Variants in RALGPS1 observed in about 807,000 individuals in gnomAD.
RALGPS1 encodes ras-specific guanine nucleotide-releasing factor RalGPS1.
RALGPS1 carries 19 observed loss-of-function variants against 78.8 expected under a neutral mutation model. The observed-to-expected ratio is 0.24, with a 90% CI of 0.17 to 0.35. The LOEUF (loss-of-function observed/expected upper bound fraction) is 0.35. RALGPS1 is among the 10% of genes least tolerant of loss of function. The pLI is 1.00. For synonymous variants in RALGPS1, 228 were observed against 256.3 expected (o/e 0.89, Z 1.06); for missense variants, 454 against 688.3 (o/e 0.66, Z 3.81).
intron 1 of RALGPS1, among the ~76,000 whole-genome samples, chr9:126,942,886 A>G (rs2036913512): frequency 6.6e-6 from 1 of 151,784 alleles, no homozygotes; most frequent in African/African-American, 2.4e-5. Flanking sequence ...AATTTTCTTT[A>G]AATGATTTTT....
At chr9:127,120,194 G>A (rs907763599) in intron 8 of RALGPS1, among the ~76,000 whole-genome samples, 1 of 152,220 alleles carries the variant, frequency 6.6e-6, no homozygotes, top group Admixed American at 6.5e-5. Context: ...GCTTCCCACA[G>A]CACTAAGGTA....
In RALGPS1 at chr9:127,222,921, T is replaced by G. The variant is rs2062812211; in HGVS notation, c.*4152T>G. 6.6e-6 allele frequency: 1 copy of G among 152,662 alleles called. No homozygotes were observed. 9.5% of individuals were successfully genotyped at this position (152,662 alleles called of 1,614,324 possible). ...GCTGTCTTTTTCTCCAGCAGACCCC[T>G]GCATGCAGTTGTGTAAGGACTTTCT... On this transcript the variant is annotated 3_prime_UTR_variant, in exon 19 of 19. Transcript: ENST00000259351.
chr9:127,189,797 C>G (rs1041377810), intron 11 of RALGPS1, among the ~76,000 whole-genome samples: 5 of 151,980 alleles, frequency 3.3e-5, no homozygotes, highest in African/African-American at 1.2e-4. Context: ...TCAGCCTAAC[C>G]CAGCGAGGGG....
chr9:127,077,896 C>T (rs183531768), intron 8 of RALGPS1, among the ~76,000 whole-genome samples: 119 of 152,328 alleles, frequency 7.8e-4, no homozygotes, highest in African/African-American at 2.8e-3. Flanking sequence ...AAGGAGGTAT[C>T]TGTCAGTCCA....
chr9:127,006,904 C>T (rs541453917), intron 4 of RALGPS1, among the ~76,000 whole-genome samples: 30 of 129,622 alleles, frequency 2.3e-4, no homozygotes, highest in South Asian at 1.6e-3. Flanking sequence ...TTTAGGGTGT[C>T]GGTATTAACT....
At chr9:127,140,854 C>T (rs1369193153) in intron 8 of RALGPS1, among the ~76,000 whole-genome samples, 1 of 152,180 alleles carries the variant, frequency 6.6e-6, no homozygotes, top group Non-Finnish European at 1.5e-5. Context: ...TGATGGACAG[C>T]CTGGCTGTGC....
chr9:127,097,021 TC>T (rs1202078531), intron 8 of RALGPS1, among the ~76,000 whole-genome samples: 1 of 152,124 alleles, frequency 6.6e-6, no homozygotes, highest in Non-Finnish European at 1.5e-5. Context: ...CTACTTCTTT[TC>T]CCCCAACCAG....
intron 11 of RALGPS1, among the ~76,000 whole-genome samples, chr9:127,180,870 G>A (rs1045012127): frequency 1.3e-5 from 2 of 152,262 alleles, no homozygotes; most frequent in Non-Finnish European, 2.9e-5. Flanking sequence ...CTCAGTGCTT[G>A]CTGCCAGATG....
intron 4 of RALGPS1, among the ~76,000 whole-genome samples, chr9:127,030,925 G>C (rs942671776): frequency 3.3e-5 from 5 of 152,316 alleles, no homozygotes; most frequent in South Asian, 4.1e-4. Flanking sequence ...GGAACACCCT[G>C]GTGACAGGAG....
intron 8 of RALGPS1, among the ~76,000 whole-genome samples, chr9:127,136,305 C>T (rs2057387821): frequency 6.6e-6 from 1 of 152,206 alleles, no homozygotes. Context: ...GCACTGCCAG[C>T]CAGGGAGGGG....
At chr9:126,967,793 C>T (rs977270616) in intron 3 of RALGPS1, among the ~76,000 whole-genome samples, 1 of 152,124 alleles carries the variant, frequency 6.6e-6, no homozygotes, top group East Asian at 1.9e-4. Context: ...CCACCTCAGC[C>T]TCCCAAAGTG....
Position 127,134,937 on chromosome 9 carries a change from T to C in RALGPS1, c.611-31132T>C, listed in dbSNP as rs192722007. On this transcript the variant is annotated intron_variant, in intron 8 of 18. Coordinates refer to ENST00000259351, the MANE Select transcript of RALGPS1 (RefSeq NM_014636.3). ...CCTCTCCGGCCCAGTGAGTCCAAGA[T>C]GGGCACTGTGGGGAAGAGAGAGGGT... 1.0e-3 allele frequency among the ~76,000 whole-genome samples: 158 copies of C among 152,242 alleles called. 2 individuals are homozygous for C. In the East Asian group the frequency reaches 0.025, roughly 24 times the overall value.
Position 126,973,136 on chromosome 9 carries a change from G to C in RALGPS1, c.166-4559G>C, listed in dbSNP as rs140309330. Among the ~76,000 whole-genome samples, 525 of 152,242 alleles carry C rather than the reference G, an allele frequency of 3.4e-3. 3 individuals carry two copies. The highest frequency in any genetic ancestry group is 0.012 in the African/African-American group (487 of 41,532). On this transcript the variant is annotated intron_variant, in intron 3 of 18. Transcript: ENST00000259351. ...TAATCCCAGCACTTTGGGAGGTTGT[G>C]GTGGGAGGATTGTTTGAGGCCAGGA...
chr9:127,121,133 T>C (rs1249204067), intron 8 of RALGPS1, among the ~76,000 whole-genome samples: 1 of 152,208 alleles, frequency 6.6e-6, no homozygotes, highest in Non-Finnish European at 1.5e-5. Context: ...TGAATAATAA[T>C]GCCTGTGCTA....
chr9:127,217,002 A>G, intron 18 of RALGPS1: 1 of 1,532,448 alleles, frequency 6.5e-7, no homozygotes, highest in Non-Finnish European at 8.8e-7. Flanking sequence ...CTGTGCCTGA[A>G]GCCTGGGCAC....
At chr9:127,181,356 C>T (rs1331444284) in intron 11 of RALGPS1, among the ~76,000 whole-genome samples, 1 of 152,258 alleles carries the variant, frequency 6.6e-6, no homozygotes, top group Non-Finnish European at 1.5e-5. Flanking sequence ...GACACAGACA[C>T]TGTGAGGTGG....
Position 127,011,238 on chromosome 9 carries a change from C to T in RALGPS1, c.217-23193C>T, listed in dbSNP as rs187205855. Among the ~76,000 whole-genome samples the T allele has an allele frequency of 4.0e-3, 606 of 152,020 alleles. 3 individuals carry two copies. Among genetic ancestry groups the T allele is most frequent in the South Asian group, 0.019 (91 of 4,792 alleles). On this transcript the variant is annotated intron_variant, in intron 4 of 18. Transcript: ENST00000259351. ...TGTTGTCCAGGCTGGAGTGCAGTGGCGTGACCTCGGCTCACTGCAACCTCT... is the reference window on the plus strand; with the variant it reads ...TGTTGTCCAGGCTGGAGTGCAGTGGTGTGACCTCGGCTCACTGCAACCTCT...
chr9:127,107,917 G>A (rs775286661), intron 8 of RALGPS1: 3 of 1,529,590 alleles, frequency 2.0e-6, no homozygotes, highest in Admixed American at 2.0e-5. Flanking sequence ...GCACTTACCC[G>A]ACGGCTTGTC....
At chr9:127,108,943 C>T (rs545775019) in intron 8 of RALGPS1, among the ~76,000 whole-genome samples, 1 of 152,190 alleles carries the variant, frequency 6.6e-6, no homozygotes. Context: ...GGCAGCCATT[C>T]TGGAAGCAAG....
Sources: allele counts gnomAD v4.1 joint callset (sites outside exome capture counted in the v4.1 genomes callset), GRCh38; gene constraint gnomAD v4.1.1; transcripts MANE v1.5; gene names NCBI Gene and HGNC (gene_info 2026-07-23, HGNC 2026-07-21).